DNAH7: variants seen among roughly 807,000 people sequenced by gnomAD.
DNAH7 encodes axonemal beta dynein heavy chain 7.
Under a neutral mutation model 444.6 loss-of-function variants are expected in DNAH7, and 397 were observed. That is an observed-to-expected ratio of 0.89 (90% CI 0.82 to 0.97). The LOEUF is 0.97. Ranked by LOEUF, DNAH7 falls within the 50% of genes least tolerant of loss-of-function variation. The probability of loss-of-function intolerance (pLI) is 0.00; values close to 1 mark genes in which losing one functional copy is unlikely to be tolerated. For synonymous variants in DNAH7, 1,636 were observed against 1,624.4 expected (o/e 1.01, Z -0.17); for missense variants, 4,902 against 4,800.8 (o/e 1.02, Z -0.62).
intron 5 of DNAH7, among the ~76,000 whole-genome samples, chr2:196,031,158 C>T (rs897702690): frequency 2.6e-5 from 4 of 152,258 alleles, no homozygotes; most frequent in African/African-American, 9.6e-5. Flanking sequence ...GACTTCTGTG[C>T]ACTTGCAAGC....
At chr2:196,067,084 G>A (rs1313826681) in intron 1 of DNAH7, among the ~76,000 whole-genome samples, 1 of 152,216 alleles carries the variant, frequency 6.6e-6, no homozygotes, top group Non-Finnish European at 1.5e-5. Context: ...TGGAGGGGGA[G>A]TGAGAGACTA....
intron 19 of DNAH7, among the ~76,000 whole-genome samples, chr2:195,949,705 G>A (rs528679657): frequency 6.6e-6 from 1 of 152,304 alleles, no homozygotes; most frequent in African/African-American, 2.4e-5. Context: ...AATGCTTCCA[G>A]CTTTTGCCCA....
At chr2:196,062,335 C>CTT (rs1274883759) in intron 1 of DNAH7, among the ~76,000 whole-genome samples, 1 of 152,172 alleles carries the variant, frequency 6.6e-6, no homozygotes, top group East Asian at 1.9e-4. Context: ...CTGGCACATA[C>CTT]TTAACTAAAC....
chr2:196,002,627 A>G (rs1159032729), intron 10 of DNAH7, among the ~76,000 whole-genome samples: 1 of 152,224 alleles, frequency 6.6e-6, no homozygotes, highest in East Asian at 1.9e-4. Context: ...GAGAAAATCT[A>G]AATTTGAAAT....
At chr2:195,796,776 A>C in intron 55 of DNAH7, 39 bp from the exon 56 acceptor site, 2 of 1,569,876 alleles carry the variant, frequency 1.3e-6, no homozygotes, top group Non-Finnish European at 1.7e-6. Context: ...TTAAAATCAC[A>C]TTTTAAGAAA....
At position 195,875,418 on chromosome 2, in the gene DNAH7, T is replaced by C. The variant is rs76712128; in HGVS notation, c.6286+257A>G. Among the ~76,000 whole-genome samples the C allele has an allele frequency of 1.8e-3, 261 of 146,662 alleles. 1 individual carries two copies. The East Asian group carries it at 0.02, about 11-fold the overall frequency. ...TTCCAGAAGGTGGGAGAAAAAAGTT[T>C]CAGAAGGTGGGAGAAAAAAGTTCCA... On this transcript the variant is annotated intron_variant, in intron 38 of 64. Transcript: ENST00000312428.
intron 4 of DNAH7, 136 bp from the exon 5 acceptor site, chr2:196,047,635 T>TG (rs1697220573): frequency 1.5e-6 from 1 of 678,752 alleles, no homozygotes; most frequent in Admixed American, 4.0e-5. Flanking sequence ...GTATAATTTT[T>TG]TTTTTTTACT....
Position 195,987,182 on chromosome 2 carries a change from TAAACGA to T in DNAH7, c.1632_1637del (p.Arg545_Leu546del), listed in dbSNP as rs1257413921. 3.8e-6 allele frequency: 6 copies of T among 1,591,528 alleles called. No homozygotes were observed. Among genetic ancestry groups the T allele is most frequent in the Non-Finnish European group, 5.1e-6 (6 of 1,170,278 alleles). Reference sequence around the variant, plus strand: ...CCTCACAGTGCATTTCAAACATTCCTAAACGAATAGTCTGCAAAAGATTAAAAGTTT... The same window carrying T: ...CCTCACAGTGCATTTCAAACATTCCTATAGTCTGCAAAAGATTAAAAGTTT... On this transcript the variant is annotated inframe_deletion, in exon 14 of 65. Coordinates refer to ENST00000312428, the MANE Select transcript of DNAH7 (RefSeq NM_018897.3).
rs1575034645 is a variant in DNAH7 at position 196,019,191 on chromosome 2, T to C, written c.848A>G (p.Asp283Gly). 1 of 1,499,414 alleles carries C rather than the reference T, an allele frequency of 6.7e-7. No individual in the cohort carries two copies. Among genetic ancestry groups the C allele is most frequent in the Non-Finnish European group, 9.0e-7 (1 of 1,112,308 alleles). 92.9% of individuals were successfully genotyped at this position (1,499,414 alleles called of 1,614,324 possible). ...AMNPTMLAVL[D>G]LWHTNFKKLR... Reference sequence around the variant, plus strand: ...TCACTTAAAATTAGTGTGCCACAAATCTAGTACAGCCAGCATTGTGGGGTT... The same window carrying C: ...TCACTTAAAATTAGTGTGCCACAAACCTAGTACAGCCAGCATTGTGGGGTT... The change falls in exon 9 of 65, where the codon GAT becomes GGT. Residue 283 changes from aspartate to glycine, a missense_variant. Asp to Gly is a moderately conservative substitution (Grantham distance 94, BLOSUM62 -1). Transcript: ENST00000312428.
At chr2:196,020,686 C>T (rs1247521097) in intron 8 of DNAH7, among the ~76,000 whole-genome samples, 1 of 150,974 alleles carries the variant, frequency 6.6e-6, no homozygotes, top group Non-Finnish European at 1.5e-5. Flanking sequence ...TCTCAGCTCA[C>T]TGCAGCCTCC....
chr2:195,990,459 T>C (rs1305848814), intron 12 of DNAH7, among the ~76,000 whole-genome samples: 1 of 151,922 alleles, frequency 6.6e-6, no homozygotes, highest in Non-Finnish European at 1.5e-5. Flanking sequence ...GCCCAGGAGC[T>C]CAAGACCAGC....
rs761659876 is a variant in DNAH7, at chr2:195,936,645, T to C, written c.3226A>G (p.Asn1076Asp). Residue 1076 changes from asparagine (N) to aspartate (D), a missense_variant, in exon 20 of 65, where the codon AAT becomes GAT. By Grantham distance (23) the Asn-to-Asp change is conservative (BLOSUM62 1). Transcript: ENST00000312428. ...GATAGTATCTCAAGAAGTTCATCAT[T>C]GGACAAAAAAAAGAATCTGGGGAAA... is the stretch of plus-strand genomic sequence containing the variant. ...LFFPRFFFLS[N>D]DELLEILSET... 2 of 1,606,636 alleles carry C rather than the reference T, an allele frequency of 1.2e-6. 1 individual carries two copies. The highest frequency in any genetic ancestry group is 1.7e-6 in the Non-Finnish European group (2 of 1,177,828).
At chr2:195,825,835 C>T (rs1697717364) in intron 48 of DNAH7, among the ~76,000 whole-genome samples, 1 of 152,088 alleles carries the variant, frequency 6.6e-6, no homozygotes, top group East Asian at 1.9e-4. Flanking sequence ...ATCTCAATTG[C>T]CATGAAAGTG....
At chr2:195,831,116 T>TA (rs1698047054) in intron 48 of DNAH7, among the ~76,000 whole-genome samples, 1 of 152,182 alleles carries the variant, frequency 6.6e-6, no homozygotes, top group Non-Finnish European at 1.5e-5. Context: ...GTTTTTTTTT[T>TA]ATAGATTCAA....
rs530254636 is a variant in DNAH7 at position 195,930,649 on chromosome 2, G to A, written c.3471+3942C>T. On this transcript the variant is annotated intron_variant, in intron 21 of 64. Coordinates refer to ENST00000312428, the MANE Select transcript of DNAH7 (RefSeq NM_018897.3). ...TCAAAGAACTTAAAACAGAACTACC[G>A]TTCAACCCAGCAACCCCATTACTGA... 3.3e-5 allele frequency among the ~76,000 whole-genome samples: 5 copies of A among 152,194 alleles called. No homozygotes were observed. The South Asian group carries it at 6.2e-4, about 19-fold the overall frequency.
At chr2:195,776,148 A>G (rs532647013) in intron 59 of DNAH7, among the ~76,000 whole-genome samples, 165 bp from the exon 60 acceptor site, 21 of 152,224 alleles carry the variant, frequency 1.4e-4, no homozygotes, top group Non-Finnish European at 2.9e-4. Context: ...CAAAGTTTAA[A>G]AAAAAATATG....
chr2:196,045,518 G>A (rs1697065664), intron 5 of DNAH7, among the ~76,000 whole-genome samples: 1 of 151,856 alleles, frequency 6.6e-6, no homozygotes, highest in Non-Finnish European at 1.5e-5. Context: ...AAATCTAAGT[G>A]TTAACTTAAA....
chr2:195,980,061 C>CAAAAAAAAAAAA (rs59664135), intron 15 of DNAH7, among the ~76,000 whole-genome samples: 8 of 75,044 alleles, frequency 1.1e-4, no homozygotes, highest in East Asian at 9.3e-4. Flanking sequence ...CAAACTAATA[C>CAAAAAAAAAAAA]AAAAAAAAAA....
At chr2:196,016,309 A>G (rs1409069576) in intron 9 of DNAH7, among the ~76,000 whole-genome samples, 5 of 152,196 alleles carry the variant, frequency 3.3e-5, no homozygotes, top group Admixed American at 6.5e-5. Flanking sequence ...AATTTGTGAA[A>G]GTAATATACT....
Sources: allele counts gnomAD v4.1 joint callset (sites outside exome capture counted in the v4.1 genomes callset), GRCh38; gene constraint gnomAD v4.1.1; transcripts MANE v1.5; gene names NCBI Gene and HGNC (gene_info 2026-07-23, HGNC 2026-07-21).